PHEX: variants seen among roughly 807,000 people sequenced by gnomAD.
PHEX encodes phosphate-regulating neutral endopeptidase PHEX.
A neutral mutation model predicts 68.0 loss-of-function variants in PHEX; 16 were observed. The ratio of observed to expected loss-of-function variants is 0.24; its 90% CI spans 0.16 to 0.36. The LOEUF (loss-of-function observed/expected upper bound fraction) is 0.36. Ranked by LOEUF, PHEX falls within the 10% of genes least tolerant of loss-of-function variation. The probability of loss-of-function intolerance (pLI) is 1.00; values close to 1 mark genes in which losing one functional copy is unlikely to be tolerated. For synonymous variants in PHEX, 208 were observed against 205.1 expected (o/e 1.01, Z -0.12); for missense variants, 480 against 575.5 (o/e 0.83, Z 1.70).
chrX:22,037,101 A>G (rs76489500), intron 1 of PHEX, among the ~76,000 whole-genome samples: 84 of 39,719 alleles, frequency 2.1e-3, no homozygotes, highest in African/African-American at 3.1e-3. Flanking sequence ...TCTTGTCTCG[A>G]AAAAAAAAAA....
At position 22,165,918 on chromosome X, in the gene PHEX, G is replaced by A. The variant is rs962718551; in HGVS notation, c.1405-2394G>A. Reference sequence around the variant, plus strand: ...TATTCAACTCTACAACTGTACTGCAGAAGCAGCCATAGTTGACAGGTAAAC... The same window carrying A: ...TATTCAACTCTACAACTGTACTGCAAAAGCAGCCATAGTTGACAGGTAAAC... On this transcript the variant is annotated intron_variant, in intron 12 of 21. Coordinates refer to ENST00000379374, the MANE Select transcript of PHEX (RefSeq NM_000444.6). Among the ~76,000 whole-genome samples the A allele has an allele frequency of 5.3e-5, 6 of 112,340 alleles. No individual in the cohort carries two copies. In the East Asian group the frequency reaches 1.7e-3, roughly 31 times the overall value.
At chrX:22,054,127 T>A (rs7886808) in intron 3 of PHEX, among the ~76,000 whole-genome samples, 8,690 of 111,615 alleles carry the variant, frequency 0.078, 468 homozygotes, top group African/African-American at 0.19. Flanking sequence ...CTTAATTTTT[T>A]AAAATTATTT....
chrX:22,141,262 G>C, intron 12 of PHEX, among the ~76,000 whole-genome samples: 1 of 111,454 alleles, frequency 9.0e-6, no homozygotes, highest in Non-Finnish European at 1.9e-5. Flanking sequence ...CTAAGGTGTG[G>C]TTCTGATGCC....
chrX:22,117,601 G>A (rs1931287873), intron 11 of PHEX, among the ~76,000 whole-genome samples: 1 of 111,663 alleles, frequency 9.0e-6, no homozygotes, highest in South Asian at 3.8e-4. Flanking sequence ...AAAAATTATA[G>A]CAGGTTTTTT....
chrX:22,041,265 C>CTCTATATATATATATA (rs1468778300), intron 2 of PHEX, among the ~76,000 whole-genome samples: 4 of 72,819 alleles, frequency 5.5e-5, no homozygotes, highest in African/African-American at 1.9e-4. Flanking sequence ...CTCTCTCTCT[C>CTCTATATATATATATA]TATATATATA....
In PHEX at chrX:22,125,535, T is replaced by C. The variant is rs145783330; in HGVS notation, c.1303-7988T>C. Reference sequence around the variant, plus strand: ...AGCCTATAATTATTCCTACTAGATATGTACTATATTTTTAAACCATTCCAA... The same window carrying C: ...AGCCTATAATTATTCCTACTAGATACGTACTATATTTTTAAACCATTCCAA... On this transcript the variant is annotated intron_variant, in intron 11 of 21. Coordinates refer to ENST00000379374, the MANE Select transcript of PHEX (RefSeq NM_000444.6). Among the ~76,000 whole-genome samples, 640 of 111,308 alleles carry C rather than the reference T, an allele frequency of 5.7e-3. 4 individuals are homozygous for C. The highest frequency in any genetic ancestry group is 0.02 in the African/African-American group (606 of 30,638).
intron 11 of PHEX, among the ~76,000 whole-genome samples, chrX:22,128,338 C>T (rs1267901631): frequency 1.8e-5 from 2 of 110,612 alleles, no homozygotes; most frequent in African/African-American, 3.3e-5. Flanking sequence ...GCTGGGATTA[C>T]AGGCGTGAGC....
chrX:22,121,367 G>T (rs1931479329), intron 11 of PHEX, among the ~76,000 whole-genome samples: 1 of 111,816 alleles, frequency 8.9e-6, no homozygotes, highest in South Asian at 3.7e-4. Context: ...CTTGTGGAAG[G>T]CAGGCCAAGG....
intron 3 of PHEX, among the ~76,000 whole-genome samples, chrX:22,053,799 T>G (rs924306929): frequency 3.6e-5 from 4 of 112,175 alleles, no homozygotes; most frequent in African/African-American, 1.3e-4. Context: ...CAAGCCCAGC[T>G]TCAGCAGAAC....
At chrX:22,099,281 G>A (rs1046680131) in intron 9 of PHEX, 130 bp downstream of exon 9, 11 of 643,953 alleles carry the variant, frequency 1.7e-5, no homozygotes, top group East Asian at 3.4e-5. Flanking sequence ...GGAAAATCCC[G>A]GTGTCCTTTG....
chrX:22,246,205 C>T (rs192655315), intron 21 of PHEX, among the ~76,000 whole-genome samples: 4 of 111,548 alleles, frequency 3.6e-5, no homozygotes, highest in Admixed American at 9.6e-5. Context: ...ACCCTGTACT[C>T]GGTCGTACAG....
chrX:22,109,795 C>A (rs1930874310), intron 9 of PHEX, among the ~76,000 whole-genome samples: 1 of 111,720 alleles, frequency 9.0e-6, no homozygotes, highest in African/African-American at 3.3e-5. Context: ...AAAAAGGCAA[C>A]CCTTAAAATT....
At chrX:22,206,864 A>C (rs756922861) in intron 15 of PHEX, among the ~76,000 whole-genome samples, 1 of 111,689 alleles carries the variant, frequency 9.0e-6, no homozygotes, top group South Asian at 3.8e-4. Flanking sequence ...ACTAAAAAAA[A>C]CTCTAATTAA....
chrX:22,041,512 G>A (rs1390707756), intron 2 of PHEX, among the ~76,000 whole-genome samples: 1 of 108,499 alleles, frequency 9.2e-6, no homozygotes, highest in Non-Finnish European at 1.9e-5. Flanking sequence ...CTTTTCCTTG[G>A]TGATATGGGG....
At chrX:22,111,696 TTGTG>T in intron 10 of PHEX, 136 bp downstream of exon 10, 1 of 515,984 alleles carries the variant, frequency 1.9e-6, no homozygotes. Context: ...TCTATTGTTT[TTGTG>T]TGTGTGTGTG....
chrX:22,122,281 T>C (rs1341034085), intron 11 of PHEX, among the ~76,000 whole-genome samples: 1 of 111,106 alleles, frequency 9.0e-6, no homozygotes, highest in Admixed American at 9.7e-5. Context: ...GAAAGGATAT[T>C]CTCTTTGGCT....
intron 7 of PHEX, among the ~76,000 whole-genome samples, chrX:22,095,806 A>T (rs1930109547): frequency 8.9e-6 from 1 of 112,412 alleles, no homozygotes; most frequent in Non-Finnish European, 1.9e-5. Context: ...ATCACTAGGT[A>T]CTTTTAAAAT....
chrX:22,137,420 G>T (rs73636808), intron 12 of PHEX, among the ~76,000 whole-genome samples: 1 of 111,535 alleles, frequency 9.0e-6, no homozygotes, highest in Non-Finnish European at 1.9e-5. Flanking sequence ...CAGAGAAGTC[G>T]GCTGAATGGT....
intron 1 of PHEX, among the ~76,000 whole-genome samples, chrX:22,035,695 C>T (rs1034808974): frequency 9.0e-6 from 1 of 111,328 alleles, no homozygotes; most frequent in Non-Finnish European, 1.9e-5. Flanking sequence ...TTCTTATGCT[C>T]TTGATCTGTG....
Sources: allele counts gnomAD v4.1 joint callset (sites outside exome capture counted in the v4.1 genomes callset), GRCh38; gene constraint gnomAD v4.1.1; transcripts MANE v1.5; gene names NCBI Gene and HGNC (gene_info 2026-07-23, HGNC 2026-07-21).